NDST4: variants seen among roughly 807,000 people sequenced by gnomAD.
NDST4 encodes the protein N-heparan sulfate sulfotransferase 4.
Under a neutral mutation model 100.8 loss-of-function variants are expected in NDST4, and 63 were observed. The observed-to-expected ratio is 0.62, with a 90% CI of 0.51 to 0.77. The LOEUF is 0.77. NDST4 is among the 30% of genes least tolerant of loss of function. The pLI is 0.00. For synonymous variants in NDST4, 377 were observed against 361.8 expected (o/e 1.04, Z -0.48); for missense variants, 943 against 1,018.4 (o/e 0.93, Z 1.01).
intron 2 of NDST4, among the ~76,000 whole-genome samples, chr4:115,033,157 A>ATATATATT (rs1491126767): frequency 1.5e-4 from 9 of 59,948 alleles, no homozygotes; most frequent in South Asian, 1.3e-3. Context: ...ATATATATAT[A>ATATATATT]TTTTTTTTTT....
At chr4:115,078,798 C>G (rs954154717) in intron 1 of NDST4, among the ~76,000 whole-genome samples, 1 of 152,112 alleles carries the variant, frequency 6.6e-6, no homozygotes, top group East Asian at 1.9e-4. Context: ...TGAGATTGTG[C>G]CACTGCACTC....
intron 6 of NDST4, among the ~76,000 whole-genome samples, chr4:114,908,207 AC>A (rs1724992416): frequency 6.6e-6 from 1 of 152,190 alleles, no homozygotes; most frequent in African/African-American, 2.4e-5. Context: ...ATGCTATCAT[AC>A]TAAGTTAAAA....
Position 114,861,125 on chromosome 4 carries a change from A to G in NDST4, c.1720-8304T>C, listed in dbSNP as rs551922538. Among the ~76,000 whole-genome samples the G allele has an allele frequency of 3.1e-4, 47 of 152,316 alleles. No homozygotes were observed. In the South Asian group the frequency reaches 9.7e-3, roughly 32 times the overall value. ...ACCCTAATCATTGAATTATTTCTCCATGTGATGCTCATATTTTTCCCCAAA... is the reference window on the plus strand; with the variant it reads ...ACCCTAATCATTGAATTATTTCTCCGTGTGATGCTCATATTTTTCCCCAAA... On this transcript the variant is annotated intron_variant, in intron 7 of 13. Coordinates refer to ENST00000264363, the MANE Select transcript of NDST4 (RefSeq NM_022569.3).
At chr4:114,843,406 A>G (rs1319375711) in intron 10 of NDST4, among the ~76,000 whole-genome samples, 4 of 152,190 alleles carry the variant, frequency 2.6e-5, no homozygotes, top group Admixed American at 1.3e-4. Flanking sequence ...GAAATGACTT[A>G]TCAAATCAAC....
chr4:114,861,359 AT>A (rs1395614316), intron 7 of NDST4, among the ~76,000 whole-genome samples: 1 of 152,226 alleles, frequency 6.6e-6, no homozygotes, highest in African/African-American at 2.4e-5. Context: ...TGTTGACAGC[AT>A]TATATGTTAT....
At chr4:114,981,572 G>C (rs1044391240) in intron 2 of NDST4, among the ~76,000 whole-genome samples, 1 of 152,098 alleles carries the variant, frequency 6.6e-6, no homozygotes, top group Non-Finnish European at 1.5e-5. Flanking sequence ...CTTATCCTCT[G>C]GGGATTCTGA....
intron 2 of NDST4, among the ~76,000 whole-genome samples, chr4:115,045,202 A>G (rs1339885614): frequency 6.6e-6 from 1 of 152,126 alleles, no homozygotes; most frequent in African/African-American, 2.4e-5. Flanking sequence ...ATAGAAGGGG[A>G]AAGAGGAAAT....
chr4:115,077,262 G>A lies in NDST4; in HGVS notation c.-226C>T. On this transcript the variant is annotated 5_prime_UTR_variant, in exon 2 of 14. Transcript: ENST00000264363. ...AATATGTCCAATACTGAGAATTGCTGCAGAATCCTCTAAGCATAATCTGAA... is the reference window on the plus strand; with the variant it reads ...AATATGTCCAATACTGAGAATTGCTACAGAATCCTCTAAGCATAATCTGAA... The A allele has an allele frequency of 2.8e-6, 1 of 353,918 alleles. No individual in the cohort carries two copies. Among genetic ancestry groups the A allele is most frequent in the Non-Finnish European group, 5.1e-6 (1 of 195,888 alleles). 21.9% of individuals were successfully genotyped at this position (353,918 alleles called of 1,614,324 possible).
At chr4:114,986,378 G>A (rs1005529029) in intron 2 of NDST4, among the ~76,000 whole-genome samples, 3 of 152,060 alleles carry the variant, frequency 2.0e-5, no homozygotes, top group African/African-American at 7.2e-5. Flanking sequence ...TGTTACTGGA[G>A]GGTGTCCTGG....
chr4:115,032,018 C>T (rs1259771941), intron 2 of NDST4, among the ~76,000 whole-genome samples: 1 of 152,042 alleles, frequency 6.6e-6, no homozygotes, highest in African/African-American at 2.4e-5. Context: ...ACCCACCGCC[C>T]CCTCCAACTG....
chr4:114,938,346 C>T (rs1339858686), intron 4 of NDST4, among the ~76,000 whole-genome samples: 3 of 152,138 alleles, frequency 2.0e-5, no homozygotes, highest in Non-Finnish European at 4.4e-5. Flanking sequence ...CTTGGGTAAA[C>T]AGTCAACTCT....
chr4:115,051,773 C>T (rs192246551), intron 2 of NDST4, among the ~76,000 whole-genome samples: 3 of 152,122 alleles, frequency 2.0e-5, no homozygotes, highest in African/African-American at 7.2e-5. Context: ...TGGATATATA[C>T]CCAGTAGTGG....
At chr4:114,941,703 T>C (rs1469851217) in intron 4 of NDST4, among the ~76,000 whole-genome samples, 1 of 152,168 alleles carries the variant, frequency 6.6e-6, no homozygotes, top group African/African-American at 2.4e-5. Flanking sequence ...GGAGATCCTG[T>C]GGCAGCCTCA....
chr4:115,108,377 T>C (rs1032945819), intron 1 of NDST4, among the ~76,000 whole-genome samples: 16 of 152,022 alleles, frequency 1.1e-4, no homozygotes, highest in Non-Finnish European at 1.9e-4. Context: ...ACAACTGAAT[T>C]TCTGATTCAG....
intron 5 of NDST4, among the ~76,000 whole-genome samples, chr4:114,935,771 C>T (rs1177572647): frequency 6.6e-6 from 1 of 152,034 alleles, no homozygotes; most frequent in Non-Finnish European, 1.5e-5. Flanking sequence ...TTTCATAACC[C>T]CTTCCACATT....
chr4:115,060,749 A>G (rs993398037), intron 2 of NDST4, among the ~76,000 whole-genome samples: 9 of 151,902 alleles, frequency 5.9e-5, no homozygotes, highest in African/African-American at 1.9e-4. Flanking sequence ...ACACAAAAAT[A>G]CACACACACA....
At chr4:115,102,532 T>C (rs930165196) in intron 1 of NDST4, among the ~76,000 whole-genome samples, 17 of 152,152 alleles carry the variant, frequency 1.1e-4, no homozygotes, top group Admixed American at 9.2e-4. Flanking sequence ...TTAATATCCA[T>C]AGTCTCTTAG....
In NDST4 at chr4:114,995,923, A is replaced by G. The variant is rs191376725; in HGVS notation, c.979-18649T>C. On this transcript the variant is annotated intron_variant, in intron 2 of 13. Coordinates refer to ENST00000264363, the MANE Select transcript of NDST4 (RefSeq NM_022569.3). ...TACTTACCTTAAAGAATTAATGTGC[A>G]ATATAAATGAAATGACTCATACAAG... is the stretch of plus-strand genomic sequence containing the variant. Among the ~76,000 whole-genome samples the G allele has an allele frequency of 1.4e-3, 207 of 152,250 alleles. 2 individuals are homozygous for G. The highest frequency in any genetic ancestry group is 4.6e-3 in the African/African-American group (193 of 41,564).
chr4:114,943,254 T>C (rs1181825514), intron 4 of NDST4, among the ~76,000 whole-genome samples: 1 of 151,594 alleles, frequency 6.6e-6, no homozygotes, highest in African/African-American at 2.4e-5. Flanking sequence ...AAATATACAT[T>C]GACATATACA....
Sources: gnomAD v4.1 joint callset for allele counts (sites outside exome capture counted in the v4.1 genomes callset) on GRCh38, gnomAD v4.1.1 for gene constraint, MANE v1.5 for transcripts, NCBI Gene and HGNC (gene_info 2026-07-23, HGNC 2026-07-21) for gene names.